SLC24A2: variants seen among roughly 807,000 people sequenced by gnomAD.
SLC24A2 encodes the protein sodium/potassium/calcium exchanger 2.
Under a neutral mutation model 62.0 loss-of-function variants are expected in SLC24A2, and 36 were observed. That is an observed-to-expected ratio of 0.58 (90% CI 0.44 to 0.77). The LOEUF (loss-of-function observed/expected upper bound fraction) is 0.77, where lower values mean the gene tolerates loss of function less well. SLC24A2 is among the 30% of genes least tolerant of loss of function. The pLI is 0.00. For missense variants in SLC24A2, 846 were observed against 817.9 expected (o/e 1.03, Z -0.42); for synonymous variants, 358 against 294.0 (o/e 1.22, Z -2.23).
intron 2 of SLC24A2, among the ~76,000 whole-genome samples, chr9:19,647,796 T>A (rs754305813): frequency 6.6e-6 from 1 of 152,186 alleles, no homozygotes; most frequent in African/African-American, 2.4e-5. Flanking sequence ...TAACTTCTAT[T>A]AGTAGATGAA....
intron 2 of SLC24A2, among the ~76,000 whole-genome samples, chr9:19,631,736 T>C (rs1818184612): frequency 6.6e-6 from 1 of 152,160 alleles, no homozygotes. Flanking sequence ...GGTCCAGTGT[T>C]GGGGCCTACA....
At chr9:20,257,098 A>G in the SLC24A2 span, among the ~76,000 whole-genome samples, 2 of 152,166 alleles carry the variant, frequency 1.3e-5, no homozygotes, top group Non-Finnish European at 2.9e-5. Context: ...GAGAGGCACT[A>G]TCAATCTGTT....
the SLC24A2 span, among the ~76,000 whole-genome samples, chr9:20,028,978 G>A: frequency 2.6e-5 from 4 of 152,138 alleles, no homozygotes; most frequent in African/African-American, 7.2e-5. Context: ...ATCACCAAGC[G>A]ACAGTCCTGG....
At chr9:19,542,897 C>T (rs577231587) in intron 8 of SLC24A2, among the ~76,000 whole-genome samples, 1 of 152,078 alleles carries the variant, frequency 6.6e-6, no homozygotes, top group Non-Finnish European at 1.5e-5. Flanking sequence ...CTGAAATTTT[C>T]TTTTTTTGTT....
At chr9:19,611,078 T>G (rs1837146228) in intron 4 of SLC24A2, among the ~76,000 whole-genome samples, 1 of 152,166 alleles carries the variant, frequency 6.6e-6, no homozygotes, top group South Asian at 2.1e-4. Flanking sequence ...GCTTCTGATA[T>G]TTTCAAAAGG....
the SLC24A2 span, among the ~76,000 whole-genome samples, chr9:20,178,956 C>G: frequency 1.3e-5 from 2 of 152,140 alleles, no homozygotes; most frequent in Non-Finnish European, 2.9e-5. Context: ...CCAGCTTGGG[C>G]TCAGAAAGAC....
At chr9:20,302,573 G>C in the SLC24A2 span, among the ~76,000 whole-genome samples, 13 of 152,270 alleles carry the variant, frequency 8.5e-5, no homozygotes, top group African/African-American at 3.1e-4. Flanking sequence ...TTTCTAATCA[G>C]GTTATTTTCA....
the SLC24A2 span, among the ~76,000 whole-genome samples, chr9:19,997,960 A>G: frequency 2.0e-5 from 3 of 152,266 alleles, no homozygotes; most frequent in East Asian, 3.9e-4. Flanking sequence ...CCTAGTTACT[A>G]TCTCTTAGTT....
At chr9:20,306,898 A>G in the SLC24A2 span, among the ~76,000 whole-genome samples, 1 of 152,082 alleles carries the variant, frequency 6.6e-6, no homozygotes, top group East Asian at 1.9e-4. Flanking sequence ...GGGTTTCACC[A>G]TGTTGGCTAG....
At chr9:19,875,614 C>G in the SLC24A2 span, among the ~76,000 whole-genome samples, 1 of 152,090 alleles carries the variant, frequency 6.6e-6, no homozygotes, top group Non-Finnish European at 1.5e-5. Flanking sequence ...ACAGTGAGGG[C>G]CTTTGAGATT....
intron 2 of SLC24A2, among the ~76,000 whole-genome samples, chr9:19,641,766 C>G (rs1818500825): frequency 6.6e-6 from 1 of 152,144 alleles, no homozygotes; most frequent in African/African-American, 2.4e-5. Flanking sequence ...AACACATTTA[C>G]TGGAAATTAT....
chr9:19,994,612 AGGAGTT>A, the SLC24A2 span, among the ~76,000 whole-genome samples: 2 of 152,152 alleles, frequency 1.3e-5, no homozygotes, highest in African/African-American at 4.8e-5. Context: ...ATTGAGAGCC[AGGAGTT>A]GGCATGCTAT....
chr9:20,285,749 C>G, the SLC24A2 span, among the ~76,000 whole-genome samples: 2 of 152,110 alleles, frequency 1.3e-5, no homozygotes, highest in Non-Finnish European at 2.9e-5. Context: ...TCAAACATTA[C>G]GATCATAAGG....
At chr9:20,035,268 G>A in the SLC24A2 span, among the ~76,000 whole-genome samples, 1 of 152,112 alleles carries the variant, frequency 6.6e-6, no homozygotes, top group African/African-American at 2.4e-5. Flanking sequence ...TAAGTGGGGT[G>A]ATTAAATAAG....
At chr9:20,023,900 G>A in the SLC24A2 span, among the ~76,000 whole-genome samples, 99 of 152,286 alleles carry the variant, frequency 6.5e-4, no homozygotes, top group African/African-American at 2.3e-3. Flanking sequence ...AAGAATTAAG[G>A]CCCTGTGGAC....
At chr9:20,223,607 G>A in the SLC24A2 span, among the ~76,000 whole-genome samples, 5 of 152,176 alleles carry the variant, frequency 3.3e-5, no homozygotes, top group Admixed American at 1.3e-4. Context: ...AAAAGAGTAA[G>A]CTATTGGTGC....
chr9:20,300,152 A>G, the SLC24A2 span, among the ~76,000 whole-genome samples: 1 of 152,218 alleles, frequency 6.6e-6, no homozygotes. Context: ...GTAGGTATAT[A>G]TGTATTTATG....
chr9:19,522,875 T>G (rs1833265849), intron 9 of SLC24A2, among the ~76,000 whole-genome samples: 1 of 152,244 alleles, frequency 6.6e-6, no homozygotes, highest in Non-Finnish European at 1.5e-5. Flanking sequence ...CAAAATATTC[T>G]CAAATTGTCA....
the SLC24A2 span, among the ~76,000 whole-genome samples, chr9:19,808,172 C>G: frequency 2.0e-5 from 3 of 152,160 alleles, no homozygotes; most frequent in African/African-American, 7.2e-5. The surrounding 1 kb of genome is among the most constrained non-coding windows in gnomAD (Gnocchi z 4.1). Context: ...TGTAGTTAAA[C>G]ATAGATTGTG....
Sources: gnomAD v4.1 joint callset for allele counts (sites outside exome capture counted in the v4.1 genomes callset) on GRCh38, gnomAD v4.1.1 for gene constraint, Gnocchi (gnomAD v3.1) non-coding constraint, MANE v1.5 for transcripts, NCBI Gene and HGNC (gene_info 2026-07-23, HGNC 2026-07-21) for gene names.